NUMB: variants seen among roughly 807,000 people sequenced by gnomAD.
NUMB encodes the protein protein numb homolog.
NUMB carries 29 observed loss-of-function variants against 59.7 expected under a neutral mutation model. The observed-to-expected ratio is 0.49, with a 90% confidence interval of 0.36 to 0.66. The LOEUF is 0.66. NUMB is among the 30% of genes least tolerant of loss of function. The pLI, the probability that NUMB is intolerant of heterozygous loss-of-function variation, is 0.00. For synonymous variants in NUMB, 288 were observed against 288.2 expected (o/e 1.00, Z 0.01); for missense variants, 723 against 822.0 (o/e 0.88, Z 1.47).
chr14:73,444,942 A>C (rs914243996), intron 1 of NUMB, among the ~76,000 whole-genome samples: 1 of 152,124 alleles, frequency 6.6e-6, no homozygotes, highest in African/African-American at 2.4e-5. Context: ...ATCCTCCCCA[A>C]ACGAGAGACT....
chr14:73,355,672 G>T lies in NUMB; in HGVS notation c.80C>A (p.Thr27Lys), dbSNP rs749239405. Residue 27 changes from threonine (T) to lysine (K), a missense_variant, in exon 4 of 13, where the codon ACA becomes AAA. Thr to Lys is a moderately conservative substitution (Grantham distance 78). This residue lies in a region of NUMB where 317 missense variants were observed against 436.6 expected (regional missense o/e 0.73). Transcript: ENST00000555238. ...PEASRPHQWQ[T>K]DEEGVRTGKC... ...TCCGGTGCGAACGCCTTCTTCATCT[G>T]TCTGCCACTGATGTGGACGACTGGC... The T allele has an allele frequency of 5.1e-5, 82 of 1,613,728 alleles. No homozygotes were observed. The highest frequency in any genetic ancestry group is 6.3e-5 in the Non-Finnish European group (74 of 1,179,858).
chr14:73,389,272 C>CAAAAAAAAAAAAAAAAAAA lies in NUMB; in HGVS notation c.-101+20646_-101+20664dup, dbSNP rs869074049. Among the ~76,000 whole-genome samples the CAAAAAAAAAAAAAAAAAAA allele has an allele frequency of 3.6e-4, 24 of 66,474 alleles. 1 individual carries two copies. The highest frequency in any genetic ancestry group is 1.3e-3 in the African/African-American group (23 of 17,142). 43.6% of individuals were successfully genotyped at this position (66,474 alleles called of 152,430 possible). ...GGTTACAGAGCGAGACTCCATCTCT[C>CAAAAAAAAAAAAAAAAAAA]AAAAAAAAAAAAAAAAAAAAACAAA... On this transcript the variant is annotated intron_variant, in intron 2 of 12. Coordinates refer to ENST00000555238, the MANE Select transcript of NUMB (RefSeq NM_001005743.2).
At chr14:73,373,810 C>T (rs1022271560) in intron 2 of NUMB, among the ~76,000 whole-genome samples, 2 of 150,078 alleles carry the variant, frequency 1.3e-5, no homozygotes, top group Non-Finnish European at 3.0e-5. Flanking sequence ...CTCAACAGAT[C>T]TTCCCACCTC....
chr14:73,287,238 C>T lies in NUMB; in HGVS notation c.527G>A (p.Cys176Tyr), dbSNP rs757198161. 3 of 1,613,824 alleles carry T rather than the reference C, an allele frequency of 1.9e-6. No individual in the cohort carries two copies. Among genetic ancestry groups the T allele is most frequent in the Admixed American group, 1.7e-5 (1 of 59,960 alleles). ...LERKQKREKECGVTATFDASR... is the reference protein window; with the variant it reads ...LERKQKREKEYGVTATFDASR... ...AGCATCAAAAGTAGCAGTCACTCCA[C>T]ATTCCTTCTCCCGCTTCTGCTTGCG... The change falls in exon 9 of 13, where the codon TGT becomes TAT. Residue 176 changes from cysteine (C) to tyrosine (Y), a missense_variant. Coordinates refer to ENST00000555238, the MANE Select transcript of NUMB (RefSeq NM_001005743.2).
intron 1 of NUMB, among the ~76,000 whole-genome samples, chr14:73,412,757 G>A (rs190810191): frequency 1.1e-3 from 172 of 152,016 alleles, no homozygotes; most frequent in African/African-American, 4.0e-3. Flanking sequence ...AGCCTTTCAA[G>A]TAGCTGGGAC....
At chr14:73,422,698 C>T (rs2140154105) in intron 1 of NUMB, among the ~76,000 whole-genome samples, 1 of 152,018 alleles carries the variant, frequency 6.6e-6, no homozygotes, top group South Asian at 2.1e-4. Flanking sequence ...TGGGGACGTG[C>T]CACACTCTTC....
intron 3 of NUMB, among the ~76,000 whole-genome samples, chr14:73,356,292 G>T (rs1280861386): frequency 6.6e-6 from 1 of 151,958 alleles, no homozygotes; most frequent in Non-Finnish European, 1.5e-5. Context: ...AGCAAAGCAG[G>T]GATTACAATC....
rs989382100 is a variant in NUMB at position 73,369,191 on chromosome 14, G to A, written c.-100-2210C>T. 1.1e-4 allele frequency among the ~76,000 whole-genome samples: 17 copies of A among 151,994 alleles called. No individual in the cohort carries two copies. The East Asian group carries it at 2.5e-3, about 22-fold the overall frequency. ...TGAGTAGCTGGGATTACAGGTGCTC[G>A]CCACCACACCCAGCTAATTTTTTGT... On this transcript the variant is annotated intron_variant, in intron 2 of 12. Coordinates refer to ENST00000555238, the MANE Select transcript of NUMB (RefSeq NM_001005743.2).
chr14:73,418,762 ACT>A (rs753576435), intron 1 of NUMB, among the ~76,000 whole-genome samples: 13 of 151,456 alleles, frequency 8.6e-5, no homozygotes, highest in Admixed American at 2.6e-4. Flanking sequence ...CAAGAGCAAA[ACT>A]CTGTCTCGAA....
In NUMB at chr14:73,282,101, TG is replaced by T. The variant is rs370384190; in HGVS notation, c.1096+257del. On this transcript the variant is annotated intron_variant, in intron 11 of 12. Transcript: ENST00000555238. ...TCAAGTGGGAAATAAGGCAGTAGGT[TG>T]GGACTACAGAAATTCCTTATAGAAT... 487 of 390,670 alleles carry T rather than the reference TG, an allele frequency of 1.2e-3. 4 individuals are homozygous for T. Among genetic ancestry groups the T allele is most frequent in the African/African-American group, 9.2e-3 (451 of 49,134 alleles). The allele number at this position is 390,670 out of a possible 1,614,324, so 24.2% of individuals were successfully genotyped here.
chr14:73,316,682 C>A (rs1240879151), intron 5 of NUMB, among the ~76,000 whole-genome samples: 1 of 152,176 alleles, frequency 6.6e-6, no homozygotes, highest in South Asian at 2.1e-4. Flanking sequence ...TGCAGAGCAA[C>A]CAGTTAGTTT....
intron 3 of NUMB, among the ~76,000 whole-genome samples, chr14:73,364,576 A>G (rs1894249741): frequency 6.6e-6 from 1 of 152,178 alleles, no homozygotes; most frequent in Non-Finnish European, 1.5e-5. Flanking sequence ...CCTTAGTCAT[A>G]ATAGTGAAAC....
At chr14:73,400,630 A>G (rs1180977459) in intron 2 of NUMB, among the ~76,000 whole-genome samples, 1 of 152,222 alleles carries the variant, frequency 6.6e-6, no homozygotes, top group East Asian at 1.9e-4. Flanking sequence ...CTGAAAGACC[A>G]AGGCATGATA....
At chr14:73,375,551 G>A (rs187131640) in intron 2 of NUMB, among the ~76,000 whole-genome samples, 32 of 152,206 alleles carry the variant, frequency 2.1e-4, no homozygotes, top group Non-Finnish European at 8.8e-5. Flanking sequence ...AAAAAAATGA[G>A]ACTTCAATTC....
At chr14:73,405,226 C>G (rs1013767389) in intron 2 of NUMB, among the ~76,000 whole-genome samples, 6 of 152,016 alleles carry the variant, frequency 3.9e-5, no homozygotes, top group African/African-American at 1.2e-4. Context: ...AACAGAATTC[C>G]AACTATCCCC....
chr14:73,433,854 C>T (rs566130246), intron 1 of NUMB, among the ~76,000 whole-genome samples: 1 of 152,290 alleles, frequency 6.6e-6, no homozygotes, highest in African/African-American at 2.4e-5. Flanking sequence ...CTTTGGGAGG[C>T]CGAGGCCGAT....
Position 73,447,675 on chromosome 14 carries a change from C to CA in NUMB, c.-233+10817dup, listed in dbSNP as rs200212444. ...GCAACATAGAATGACCTCATCTCTA[C>CA]AAAAAAAAAAAGAAAAGAAAAAATA... On this transcript the variant is annotated intron_variant, in intron 1 of 12. Coordinates refer to ENST00000555238, the MANE Select transcript of NUMB (RefSeq NM_001005743.2). Among the ~76,000 whole-genome samples, 358 of 105,302 alleles carry CA rather than the reference C, an allele frequency of 3.4e-3. 1 individual carries two copies. The highest frequency in any genetic ancestry group is 0.011 in the Middle Eastern group (2 of 188). 69.1% of individuals were successfully genotyped at this position (105,302 alleles called of 152,430 possible). A position where few individuals can be genotyped will look rare whatever the true frequency, so the allele number is the denominator to read the frequency against.
chr14:73,438,415 G>A (rs902929994), intron 1 of NUMB, among the ~76,000 whole-genome samples: 19 of 152,056 alleles, frequency 1.2e-4, no homozygotes, highest in Non-Finnish European at 2.5e-4. Context: ...TGGATCACTT[G>A]GGGTTAGGAG....
At chr14:73,403,473 A>C (rs1896510955) in intron 2 of NUMB, among the ~76,000 whole-genome samples, 1 of 152,246 alleles carries the variant, frequency 6.6e-6, no homozygotes, top group African/African-American at 2.4e-5. Context: ...TCTCCTGATG[A>C]GGACTATTCT....
Sources: gnomAD v4.1 joint callset for allele counts (sites outside exome capture counted in the v4.1 genomes callset) on GRCh38, gnomAD v4.1.1 for gene constraint, gnomAD v4.1.1 regional missense constraint, MANE v1.5 for transcripts, NCBI Gene and HGNC (gene_info 2026-07-23, HGNC 2026-07-21) for gene names.